Variants in MAST2 observed in about 807,000 individuals in gnomAD.
The protein encoded by MAST2 is microtubule-associated serine/threonine-protein kinase 2.
A neutral mutation model predicts 147.4 loss-of-function variants in MAST2; 70 were observed. That is an observed-to-expected ratio of 0.47 (90% confidence interval 0.39 to 0.58). The LOEUF is 0.58. Among genes scored for constraint, MAST2 ranks in the 20% least tolerant of loss-of-function variants. The probability of loss-of-function intolerance (pLI) is 0.00; values close to 1 mark genes in which losing one functional copy is unlikely to be tolerated. For missense variants in MAST2, 2,080 were observed against 2,302.3 expected, an observed-to-expected ratio of 0.90 and a Z score of 1.98; for synonymous variants, 869 against 896.8, an observed-to-expected ratio of 0.97 and a Z score of 0.55.
chr1:45,953,891 G>A (rs895181803), intron 4 of MAST2, among the ~76,000 whole-genome samples: 6 of 152,166 alleles, frequency 3.9e-5, no homozygotes, highest in East Asian at 1.9e-4. Context: ...TAATGGATAC[G>A]TAATAATATC....
At chr1:45,965,886 C>A (rs977231424) in intron 5 of MAST2, among the ~76,000 whole-genome samples, 1 of 152,126 alleles carries the variant, frequency 6.6e-6, no homozygotes, top group African/African-American at 2.4e-5. Context: ...TACACTGACA[C>A]ATCACCCAGG....
intron 3 of MAST2, among the ~76,000 whole-genome samples, chr1:45,838,151 A>C (rs2147882368): frequency 6.8e-6 from 1 of 147,424 alleles, no homozygotes; most frequent in African/African-American, 2.5e-5. Context: ...TTTAATTTGC[A>C]TTTCTCTAAT....
chr1:45,807,237 T>A (rs142148537), intron 1 of MAST2, among the ~76,000 whole-genome samples: 13 of 152,350 alleles, frequency 8.5e-5, no homozygotes, highest in African/African-American at 1.2e-4. Context: ...CTTCTCTAAC[T>A]GCTCTCTTGT....
In MAST2 at chr1:45,937,008, C is replaced by T. The variant is rs79438307; in HGVS notation, c.501-22378C>T. Among the ~76,000 whole-genome samples the T allele has an allele frequency of 2.9e-3, 435 of 149,214 alleles. 3 individuals are homozygous for T. The highest frequency in any genetic ancestry group is 0.02 in the East Asian group (103 of 5,116). On this transcript the variant is annotated intron_variant, in intron 4 of 28. Coordinates refer to ENST00000361297, the MANE Select transcript of MAST2 (RefSeq NM_015112.3). ...TCCTTCCACCTGGCCTCCTGAGTAG[C>T]TGGATCTAAAGGCATTATACCACCA... is the stretch of plus-strand genomic sequence containing the variant.
intron 4 of MAST2, among the ~76,000 whole-genome samples, chr1:45,919,484 T>C (rs371013895): frequency 6.6e-6 from 1 of 152,356 alleles, no homozygotes; most frequent in East Asian, 1.9e-4. Flanking sequence ...ACTAAAAGTT[T>C]AAGTGAAACA....
chr1:45,987,776 G>GGTTTTTTTTTTTTTTTT (rs1644692974), intron 5 of MAST2, among the ~76,000 whole-genome samples: 3 of 30,708 alleles, frequency 9.8e-5, no homozygotes, highest in African/African-American at 1.4e-4. Context: ...TTTTTTTTTT[G>GGTTTTTTTTTTTTTTTT]ATTTTTTTTT....
chr1:45,917,614 T>TG (rs1272514003), intron 4 of MAST2: 1 of 996,072 alleles, frequency 1.0e-6, no homozygotes, highest in Non-Finnish European at 1.4e-6. Flanking sequence ...TCCTTAATAA[T>TG]GGGGAGAAAT....
chr1:46,024,054 G>C, intron 15 of MAST2, 74 bp downstream of exon 15: 1 of 1,435,986 alleles, frequency 7.0e-7, no homozygotes, highest in Non-Finnish European at 9.8e-7. Flanking sequence ...GGGACCAGCA[G>C]CTTTGTACAG....
chr1:46,034,187 C>T lies in MAST2; in HGVS notation c.3789C>T (p.Gly1263=), dbSNP rs759010212. The T allele has an allele frequency of 4.3e-6, 7 of 1,614,180 alleles. No homozygotes were observed. In the South Asian group the frequency reaches 7.7e-5, roughly 18 times the overall value. ...TGTCATCAGGGGAGAGTGGGCCAGGCTCTCCCACACACAGCCACAGCCTTT... is the reference window on the plus strand; with the variant it reads ...TGTCATCAGGGGAGAGTGGGCCAGGTTCTCCCACACACAGCCACAGCCTTT... ...RSLSSGESGP[G]SPTHSHSLSP... Residue 1263 remains glycine (G), a synonymous_variant, in exon 28 of 29, where the codon GGC becomes GGT. Coordinates refer to ENST00000361297, the MANE Select transcript of MAST2 (RefSeq NM_015112.3).
chr1:45,847,514 G>C (rs939313127), intron 3 of MAST2: 1 of 789,848 alleles, frequency 1.3e-6, no homozygotes, highest in African/African-American at 1.8e-5. Context: ...TTTCTTATTT[G>C]TGGGCCTCTC....
intron 4 of MAST2, among the ~76,000 whole-genome samples, chr1:45,934,941 G>A (rs1037445994): frequency 2.0e-5 from 3 of 152,208 alleles, no homozygotes; most frequent in Non-Finnish European, 4.4e-5. Flanking sequence ...TGGGTTGAAA[G>A]GTAATTCTAC....
At chr1:45,890,763 T>C (rs376036679) in intron 4 of MAST2, among the ~76,000 whole-genome samples, 2 of 152,230 alleles carry the variant, frequency 1.3e-5, no homozygotes, top group East Asian at 1.9e-4. Flanking sequence ...GAGCCTACTA[T>C]AGAGTTTAAC....
intron 2 of MAST2, 116 bp from the exon 3 acceptor site, chr1:45,829,323 A>G (rs1644883244): frequency 2.3e-6 from 2 of 875,856 alleles, no homozygotes; most frequent in South Asian, 5.1e-5. Context: ...ATGGATGTGA[A>G]CAATTTTACT....
At chr1:45,879,158 A>T (rs1177131447) in intron 3 of MAST2, among the ~76,000 whole-genome samples, 1 of 152,122 alleles carries the variant, frequency 6.6e-6, no homozygotes, top group Non-Finnish European at 1.5e-5. Context: ...TAAAAAAAAA[A>T]TTGTTAGGGA....
At chr1:46,027,531 T>C (rs1023493846) in intron 16 of MAST2, among the ~76,000 whole-genome samples, 200 bp from the exon 17 acceptor site, 1 of 152,174 alleles carries the variant, frequency 6.6e-6, no homozygotes, top group Non-Finnish European at 1.5e-5. Context: ...GGCAGGTTCG[T>C]TGCTTGTGCA....
chr1:45,842,794 G>T, intron 3 of MAST2, among the ~76,000 whole-genome samples: 1 of 152,014 alleles, frequency 6.6e-6, no homozygotes, highest in African/African-American at 2.4e-5. Flanking sequence ...CAGTTCTTTT[G>T]GGGATATACC....
chr1:46,009,723 T>A (rs116396549), intron 9 of MAST2, among the ~76,000 whole-genome samples: 1 of 152,332 alleles, frequency 6.6e-6, no homozygotes, highest in African/African-American at 2.4e-5. Flanking sequence ...GGAGAAAATG[T>A]GTTAAGATTC....
At chr1:46,002,760 G>T (rs1256366913) in intron 6 of MAST2, 45 bp from the exon 7 acceptor site, 10 of 1,563,122 alleles carry the variant, frequency 6.4e-6, no homozygotes, top group African/African-American at 1.4e-5. Context: ...TGTGGGTCAG[G>T]GTGTAGTCCT....
intron 3 of MAST2, among the ~76,000 whole-genome samples, chr1:45,839,458 A>G (rs773832908): frequency 6.6e-6 from 1 of 151,706 alleles, no homozygotes; most frequent in Non-Finnish European, 1.5e-5. Context: ...TTTTTTGTAG[A>G]GATGGGGTTT....
Sources: allele counts gnomAD v4.1 joint callset (sites outside exome capture counted in the v4.1 genomes callset), GRCh38; gene constraint gnomAD v4.1.1; transcripts MANE v1.5; gene names NCBI Gene and HGNC (gene_info 2026-07-23, HGNC 2026-07-21).